Variants in GRSF1 observed in about 807,000 individuals in gnomAD.
GRSF1 encodes G-rich RNA sequence binding factor 1, also known as G-rich sequence factor 1.
Under a neutral mutation model 51.1 loss-of-function variants are expected in GRSF1, and 50 were observed. That is an observed-to-expected ratio of 0.98 (90% CI 0.78 to 1.24). The LOEUF is 1.24. Among genes scored for constraint, GRSF1 ranks in the 50% most tolerant of loss-of-function variants. GRSF1 has a pLI of 0.00. For synonymous variants in GRSF1, 293 were observed against 253.3 expected, an observed-to-expected ratio of 1.16 and a Z score of -1.49; for missense variants, 700 against 639.7, an observed-to-expected ratio of 1.09 and a Z score of -1.02.
At chr4:70,836,930 G>A (rs1443137300) in intron 1 of GRSF1, among the ~76,000 whole-genome samples, 1 of 152,176 alleles carries the variant, frequency 6.6e-6, no homozygotes, top group Non-Finnish European at 1.5e-5. Flanking sequence ...TAAATTAGGA[G>A]CCAAAGAAGG....
chr4:70,835,929 C>T (rs908273294), intron 2 of GRSF1, among the ~76,000 whole-genome samples: 1 of 152,150 alleles, frequency 6.6e-6, no homozygotes, highest in Non-Finnish European at 1.5e-5. Context: ...CAAAGTCTTT[C>T]AATTCGTTAC....
At chr4:70,840,368 G>C (rs1020886843), upstream of GRSF1, among the ~76,000 whole-genome samples, 1 of 152,256 alleles carries the variant, frequency 6.6e-6, no homozygotes, top group African/African-American at 2.4e-5. Flanking sequence ...ACTCATTCTT[G>C]TAATCCTAGC....
At chr4:70,838,064 A>C (rs1295091831) in intron 1 of GRSF1, among the ~76,000 whole-genome samples, 2 of 151,726 alleles carry the variant, frequency 1.3e-5, no homozygotes, top group Non-Finnish European at 1.5e-5. Context: ...CTAAAAATAC[A>C]AAAAATTAGC....
chr4:70,827,511 G>T (rs770936902), intron 6 of GRSF1, among the ~76,000 whole-genome samples: 1 of 152,090 alleles, frequency 6.6e-6, no homozygotes, highest in Admixed American at 6.6e-5. Flanking sequence ...TAGGCCGGGT[G>T]TGTTGGCTCA....
rs1395261010 is a variant in GRSF1, at chr4:70,839,474, G to A, written c.354C>T (p.Ser118=). 1.4e-6 allele frequency: 2 copies of A among 1,439,468 alleles called. No individual in the cohort carries two copies. Among genetic ancestry groups the A allele is most frequent in the Admixed American group, 2.8e-5 (1 of 35,242 alleles). The allele number at this position is 1,439,468 out of a possible 1,614,324, so 89.2% of individuals were successfully genotyped here. The change falls in exon 1 of 10, where the codon AGC becomes AGT. Residue 118 remains serine (S), a synonymous_variant. Transcript: ENST00000254799. ...GTCCCTCACGGCGCCCACGTACCTG[G>A]CTGTAGCTGCGCGTCGGGACGGCGG... is the stretch of plus-strand genomic sequence containing the variant. ...AAAAVPTRSY[S]QESKTTYLED... is the part of the protein sequence containing the mutation.
chr4:70,821,040 A>C (rs1578290592), intron 9 of GRSF1, among the ~76,000 whole-genome samples, 179 bp from the exon 10 acceptor site: 1 of 152,252 alleles, frequency 6.6e-6, no homozygotes, highest in African/African-American at 2.4e-5. Context: ...ACAGGCTGGT[A>C]CAAAAAACTG....
intron 3 of GRSF1, 22 bp from the exon 4 acceptor site, chr4:70,832,472 G>A: frequency 6.7e-7 from 1 of 1,486,326 alleles, no homozygotes; most frequent in Non-Finnish European, 9.3e-7. Flanking sequence ...AAACCCAACA[G>A]GGATGAAAAA....
Position 70,839,847 on chromosome 4 carries a change from G to C in GRSF1, c.-20C>G. 1 of 1,473,206 alleles carries C rather than the reference G, an allele frequency of 6.8e-7. No homozygotes were observed. The highest frequency in any genetic ancestry group is 8.9e-7 in the Non-Finnish European group (1 of 1,121,176). 91.3% of individuals were successfully genotyped at this position (1,473,206 alleles called of 1,614,324 possible). A position where few individuals can be genotyped will look rare whatever the true frequency, so the allele number is the denominator to read the frequency against. On this transcript the variant is annotated 5_prime_UTR_variant, in exon 1 of 10. Coordinates refer to ENST00000254799, the MANE Select transcript of GRSF1 (RefSeq NM_002092.4). ...GGCCATGGACTCCGGAGGCGGCGCA[G>C]GGCCTGAAGGCAGCTGCTCCAGCAG...
rs1274291336 is a variant in GRSF1 at position 70,817,340 on chromosome 4, G to A, written c.*3547C>T. On this transcript the variant is annotated 3_prime_UTR_variant, in exon 10 of 10. Coordinates refer to ENST00000254799, the MANE Select transcript of GRSF1 (RefSeq NM_002092.4). ...TCCTCCCACTTCAGCCTCACAAAGT[G>A]CGGGGATTACAGATGTCAGCCACCA... 1 of 152,240 alleles carries A rather than the reference G, an allele frequency of 6.6e-6. No homozygotes were observed. The highest frequency in any genetic ancestry group is 2.1e-4 in the South Asian group (1 of 4,808). The allele number at this position is 152,240 out of a possible 1,614,324, so 9.4% of individuals were successfully genotyped here. A position where few individuals can be genotyped will look rare whatever the true frequency, so the allele number is the denominator to read the frequency against.
Position 70,839,845 on chromosome 4 carries a change from C to G in GRSF1, c.-18G>C, listed in dbSNP as rs973426675. 28 of 1,480,020 alleles carry G rather than the reference C, an allele frequency of 1.9e-5. No individual in the cohort carries two copies. The highest frequency in any genetic ancestry group is 2.4e-4 in the Middle Eastern group (1 of 4,196). 91.7% of individuals were successfully genotyped at this position (1,480,020 alleles called of 1,614,324 possible). On this transcript the variant is annotated 5_prime_UTR_variant, in exon 1 of 10. Coordinates refer to ENST00000254799, the MANE Select transcript of GRSF1 (RefSeq NM_002092.4). ...CCGGCCATGGACTCCGGAGGCGGCG[C>G]AGGGCCTGAAGGCAGCTGCTCCAGC...
At chr4:70,825,608 C>T (rs1289134547) in intron 7 of GRSF1, 177 bp from the exon 8 acceptor site, 1 of 427,250 alleles carries the variant, frequency 2.3e-6, no homozygotes, top group African/African-American at 2.1e-5. Flanking sequence ...TGGCTTTTTA[C>T]TTTTTCTCAG....
At chr4:70,823,599 G>C (rs1444286941) in intron 9 of GRSF1, among the ~76,000 whole-genome samples, 1 of 151,848 alleles carries the variant, frequency 6.6e-6, no homozygotes, top group Non-Finnish European at 1.5e-5. Context: ...GCCAGGCGGG[G>C]TGGCTCACTC....
At chr4:70,827,788 A>C (rs893301907) in intron 6 of GRSF1, 64 bp downstream of exon 6, 5 of 1,278,424 alleles carry the variant, frequency 3.9e-6, no homozygotes, top group Non-Finnish European at 5.5e-6. Flanking sequence ...AAAAAAAAAA[A>C]AATCACAAAA....
At chr4:70,836,690 G>T (rs929950636) in intron 1 of GRSF1, among the ~76,000 whole-genome samples, 2 of 151,970 alleles carry the variant, frequency 1.3e-5, no homozygotes, top group African/African-American at 4.8e-5. Flanking sequence ...TCTAGAATAC[G>T]ATAAGCATAC....
chr4:70,842,987 C>T (rs971429346), upstream of GRSF1, among the ~76,000 whole-genome samples: 1 of 151,868 alleles, frequency 6.6e-6, no homozygotes, highest in South Asian at 2.1e-4. Flanking sequence ...GTTGAGGCTT[C>T]AGTGAGCTGA....
chr4:70,837,311 T>A (rs1046667240), intron 1 of GRSF1, among the ~76,000 whole-genome samples: 4 of 152,098 alleles, frequency 2.6e-5, no homozygotes, highest in African/African-American at 9.7e-5. Flanking sequence ...ACGCCTGTAA[T>A]CCCAGCACCT....
At chr4:70,830,786 G>A (rs1056356150) in intron 5 of GRSF1, among the ~76,000 whole-genome samples, 17 of 151,624 alleles carry the variant, frequency 1.1e-4, no homozygotes, top group East Asian at 1.9e-4. Context: ...TCACACCACC[G>A]CACTCCAGCC....
In GRSF1 at chr4:70,828,063, A is replaced by C. The variant is rs1560596950; in HGVS notation, c.951-27T>G. The C allele has an allele frequency of 1.9e-6, 3 of 1,550,120 alleles. No homozygotes were observed. The Admixed American group carries it at 5.2e-5, about 27-fold the overall frequency. On this transcript the variant is annotated intron_variant, in intron 5 of 9. Transcript: ENST00000254799. ...TATGTCAAAGCAAAAGTAAACAGGCACAAATGGTGCAAAGTAACTTTATAC... is the reference window on the plus strand; with the variant it reads ...TATGTCAAAGCAAAAGTAAACAGGCCCAAATGGTGCAAAGTAACTTTATAC...
intron 4 of GRSF1, 97 bp downstream of exon 4, chr4:70,832,210 C>G (rs1734006336): frequency 2.2e-6 from 2 of 894,884 alleles, no homozygotes; most frequent in Non-Finnish European, 3.4e-6. Flanking sequence ...AATATAACTG[C>G]ATGCCTTTGC....
Sources: gnomAD v4.1 joint callset for allele counts (sites outside exome capture counted in the v4.1 genomes callset) on GRCh38, gnomAD v4.1.1 for gene constraint, MANE v1.5 for transcripts, NCBI Gene and HGNC (gene_info 2026-07-23, HGNC 2026-07-21) for gene names.